The following WDR7 variants were observed in gnomAD, a reference collection of about 807,000 sequenced individuals.
WDR7 encodes WD repeat domain 7, also known as WD repeat-containing protein 7.
Under a neutral mutation model 169.4 loss-of-function variants are expected in WDR7, and 46 were observed. The observed-to-expected ratio is 0.27, with a 90% confidence interval of 0.21 to 0.35. The LOEUF (loss-of-function observed/expected upper bound fraction) is 0.35. WDR7 is among the 10% of genes least tolerant of loss of function. The pLI is 1.00. For missense variants in WDR7, 1,534 were observed against 1,859.3 expected, an observed-to-expected ratio of 0.83 and a Z score of 3.22; for synonymous variants, 612 against 666.8, an observed-to-expected ratio of 0.92 and a Z score of 1.27.
chr18:56,775,730 G>A (rs897609906), intron 16 of WDR7, among the ~76,000 whole-genome samples: 9 of 151,894 alleles, frequency 5.9e-5, no homozygotes, highest in Admixed American at 2.0e-4. Context: ...TACCTCACAC[G>A]TGCCTGATTG....
At chr18:56,798,687 AC>A (rs2044623462) in intron 19 of WDR7, among the ~76,000 whole-genome samples, 1 of 152,172 alleles carries the variant, frequency 6.6e-6, no homozygotes. Flanking sequence ...AAATTAAATT[AC>A]CCAATTTATT....
chr18:56,901,930 G>A (rs899880954), intron 21 of WDR7, among the ~76,000 whole-genome samples: 9 of 152,102 alleles, frequency 5.9e-5, no homozygotes, highest in Non-Finnish European at 1.3e-4. Context: ...ATTTACTAGT[G>A]TCTTTGTGTT....
At position 56,911,411 on chromosome 18, in the gene WDR7, T is replaced by G. The variant is rs571377738; in HGVS notation, c.3527-12511T>G. 9.2e-5 allele frequency among the ~76,000 whole-genome samples: 14 copies of G among 152,326 alleles called. No individual in the cohort carries two copies. In the East Asian group the frequency reaches 2.7e-3, roughly 29 times the overall value. ...GCAGAGTGACTTTTGTTTGCTCATC[T>G]TTTTTCCCCCTTACTCAATTTCAAT... is the stretch of plus-strand genomic sequence containing the variant. On this transcript the variant is annotated intron_variant, in intron 21 of 27. Coordinates refer to ENST00000254442, the MANE Select transcript of WDR7 (RefSeq NM_015285.3).
chr18:56,759,700 C>T (rs2043952723), intron 16 of WDR7, among the ~76,000 whole-genome samples: 1 of 152,100 alleles, frequency 6.6e-6, no homozygotes, highest in Admixed American at 6.5e-5. Context: ...AAGTAAGCAA[C>T]AGATGGGTTG....
chr18:56,821,659 T>TC (rs2045099297), intron 20 of WDR7, among the ~76,000 whole-genome samples: 1 of 151,554 alleles, frequency 6.6e-6, no homozygotes, highest in African/African-American at 2.4e-5. Context: ...CTTTTTTTTT[T>TC]TTTGACATGT....
chr18:57,003,891 C>T (rs1219574098), intron 26 of WDR7, among the ~76,000 whole-genome samples: 1 of 151,990 alleles, frequency 6.6e-6, no homozygotes, highest in African/African-American at 2.4e-5. Context: ...CCCCAACAAG[C>T]TATACTCTCC....
At chr18:56,736,078 C>T (rs1306384412) in intron 14 of WDR7, among the ~76,000 whole-genome samples, 1 of 152,126 alleles carries the variant, frequency 6.6e-6, no homozygotes, top group Non-Finnish European at 1.5e-5. Flanking sequence ...CTATAACTTG[C>T]TAGCCGTGGG....
intron 8 of WDR7, 72 bp from the exon 9 acceptor site, chr18:56,691,643 C>A: frequency 1.5e-6 from 2 of 1,319,356 alleles, no homozygotes; most frequent in Admixed American, 2.6e-5. Context: ...TACCAACAAA[C>A]CTTGTCATAT....
At chr18:56,723,372 ATACT>A in intron 13 of WDR7, among the ~76,000 whole-genome samples, 1 of 151,700 alleles carries the variant, frequency 6.6e-6, no homozygotes, top group East Asian at 1.9e-4. Flanking sequence ...CTTTTGTCTA[ATACT>A]TAATTTTTCT....
intron 20 of WDR7, among the ~76,000 whole-genome samples, chr18:56,851,300 T>C (rs2045637809): frequency 6.6e-6 from 1 of 152,186 alleles, no homozygotes; most frequent in Non-Finnish European, 1.5e-5. Context: ...CCTGTTCACA[T>C]GCTTTCCTCT....
intron 20 of WDR7, among the ~76,000 whole-genome samples, chr18:56,845,352 A>AT (rs1333822750): frequency 1.3e-5 from 2 of 152,002 alleles, no homozygotes. Context: ...ATAATATGTT[A>AT]TTTTTTAGGA....
rs2044688514 is a variant in WDR7 at position 56,802,311 on chromosome 18, A to T, written c.3191-13720A>T. Among the ~76,000 whole-genome samples, 5 of 146,126 alleles carry T rather than the reference A, an allele frequency of 3.4e-5. No homozygotes were observed. The South Asian group carries it at 1.1e-3, about 32-fold the overall frequency. The stretch of plus-strand genomic sequence containing the variant: ...TCCAATTTTTCTTACCATAGTTAGA[A>T]TTTTTTTTTTTTTTAACCTTGGGTT... On this transcript the variant is annotated intron_variant, in intron 19 of 27. Transcript: ENST00000254442.
At chr18:56,797,353 A>C (rs8093449) in intron 19 of WDR7, among the ~76,000 whole-genome samples, 7,398 of 152,228 alleles carry the variant, frequency 0.049, 600 homozygotes, top group African/African-American at 0.17. Flanking sequence ...GGACAACAAC[A>C]ACAATAACAA....
intron 16 of WDR7, among the ~76,000 whole-genome samples, chr18:56,775,059 A>G (rs770963643): frequency 2.0e-5 from 3 of 152,030 alleles, no homozygotes; most frequent in African/African-American, 7.2e-5. Flanking sequence ...TTCCTTTTAC[A>G]CTTGTTCCTT....
intron 21 of WDR7, among the ~76,000 whole-genome samples, chr18:56,882,069 C>A (rs536277251): frequency 6.6e-6 from 1 of 152,188 alleles, no homozygotes; most frequent in African/African-American, 2.4e-5. Context: ...TCTCCCTCTA[C>A]GGCCAACAAC....
chr18:56,721,569 A>C (rs963001505), intron 13 of WDR7: 5 of 152,230 alleles, frequency 3.3e-5, no homozygotes, highest in Non-Finnish European at 5.9e-5. Context: ...CTTCCCTCTT[A>C]CGAAGTTATT....
chr18:56,749,744 T>C (rs2043759741), intron 14 of WDR7, among the ~76,000 whole-genome samples: 1 of 152,008 alleles, frequency 6.6e-6, no homozygotes, highest in Non-Finnish European at 1.5e-5. Flanking sequence ...AAGTGAATGG[T>C]GGAAGAGTAC....
At chr18:56,753,181 C>G (rs1256036846) in intron 14 of WDR7, 2 of 152,032 alleles carry the variant, frequency 1.3e-5, no homozygotes, top group Non-Finnish European at 2.9e-5. Context: ...AATTTTATGT[C>G]AGAAGAGCTG....
chr18:56,796,936 A>G (rs958192932), intron 19 of WDR7, among the ~76,000 whole-genome samples: 15 of 152,296 alleles, frequency 9.8e-5, no homozygotes, highest in Middle Eastern at 3.4e-3. Flanking sequence ...GGAAAAAGAA[A>G]TCAAACTGCA....
Sources: allele counts gnomAD v4.1 joint callset (sites outside exome capture counted in the v4.1 genomes callset), GRCh38; gene constraint gnomAD v4.1.1; transcripts MANE v1.5; gene names NCBI Gene and HGNC (gene_info 2026-07-23, HGNC 2026-07-21).